The following PRPF39 variants were observed in gnomAD, a reference collection of about 807,000 sequenced individuals.
PRPF39 encodes the protein pre-mRNA processing factor 39.
PRPF39 carries 27 observed loss-of-function variants against 82.1 expected under a neutral mutation model. The observed-to-expected ratio is 0.33, with a 90% CI of 0.24 to 0.45. The LOEUF (loss-of-function observed/expected upper bound fraction) is 0.45. Ranked by LOEUF, PRPF39 falls within the 20% of genes least tolerant of loss-of-function variation. The probability of loss-of-function intolerance (pLI) is 1.00; values close to 1 mark genes in which losing one functional copy is unlikely to be tolerated. For synonymous variants in PRPF39, 261 were observed against 256.4 expected, an observed-to-expected ratio of 1.02 and a Z score of -0.17; for missense variants, 581 against 796.9, an observed-to-expected ratio of 0.73 and a Z score of 3.26.
rs1313263277 is a variant in PRPF39, at chr14:45,115,086, C to G, written c.*173C>G. 4.5e-6 allele frequency: 2 copies of G among 440,728 alleles called. No homozygotes were observed. Among genetic ancestry groups the G allele is most frequent in the African/African-American group, 4.0e-5 (2 of 49,794 alleles). 27.3% of individuals were successfully genotyped at this position (440,728 alleles called of 1,614,324 possible). A position where few individuals can be genotyped will look rare whatever the true frequency, so the allele number is the denominator to read the frequency against. On this transcript the variant is annotated 3_prime_UTR_variant, in exon 14 of 14. Coordinates refer to ENST00000355765, the MANE Select transcript of PRPF39 (RefSeq NM_017922.4). ...GAAAATGTCAATTAGTAGCTTACCA[C>G]AGATACTGTTTCCTACCATTTATAA... is the stretch of plus-strand genomic sequence containing the variant.
intron 1 of PRPF39, among the ~76,000 whole-genome samples, chr14:45,086,658 G>A (rs184135425): frequency 3.3e-3 from 506 of 152,282 alleles, no homozygotes; most frequent in Non-Finnish European, 4.5e-3. Context: ...ATATCATTCA[G>A]AGATATTTGT....
chr14:45,093,035 A>G (rs1222945891), intron 1 of PRPF39, among the ~76,000 whole-genome samples: 5 of 152,296 alleles, frequency 3.3e-5, no homozygotes, highest in East Asian at 3.9e-4. Context: ...TCTCTTTTGT[A>G]TGGAGAACAA....
chr14:45,090,443 C>A (rs1056459782), intron 1 of PRPF39, among the ~76,000 whole-genome samples: 2 of 152,158 alleles, frequency 1.3e-5, no homozygotes, highest in Non-Finnish European at 2.9e-5. Flanking sequence ...TTTGCTTTTA[C>A]CCTTCTACTT....
intron 1 of PRPF39, among the ~76,000 whole-genome samples, chr14:45,089,277 A>T (rs554736215): frequency 2.0e-5 from 3 of 152,174 alleles, no homozygotes; most frequent in African/African-American, 4.8e-5. Context: ...TTTTACATGT[A>T]GTATAAGACC....
At chr14:45,111,035 T>A (rs901200991) in intron 10 of PRPF39, 13 of 524,104 alleles carry the variant, frequency 2.5e-5, no homozygotes, top group African/African-American at 2.1e-4. Flanking sequence ...GGGTTAAAAT[T>A]GTTGTAGACA....
chr14:45,111,631 CTTTT>C (rs58863567), intron 10 of PRPF39, among the ~76,000 whole-genome samples: 6 of 58,800 alleles, frequency 1.0e-4, no homozygotes, highest in Non-Finnish European at 1.6e-4. Context: ...TGCACCTGGG[CTTTT>C]TTTTTTTTTT....
intron 10 of PRPF39, among the ~76,000 whole-genome samples, chr14:45,111,631 CTTTTTTTTTTTTT>C (rs58863567): frequency 3.4e-4 from 20 of 58,804 alleles, no homozygotes; most frequent in South Asian, 5.6e-4. Context: ...TGCACCTGGG[CTTTTTTTTTTTTT>C]TTTTTTTTTT....
chr14:45,089,270 T>C (rs1883942378), intron 1 of PRPF39, among the ~76,000 whole-genome samples: 1 of 152,230 alleles, frequency 6.6e-6, no homozygotes, highest in Non-Finnish European at 1.5e-5. Context: ...AGTTAATTTT[T>C]ACATGTAGTA....
At chr14:45,087,797 C>G (rs1841336567) in intron 1 of PRPF39, among the ~76,000 whole-genome samples, 1 of 144,200 alleles carries the variant, frequency 6.9e-6, no homozygotes, top group South Asian at 2.2e-4. Flanking sequence ...CCGTGTTAGA[C>G]AGGATGGTCT....
chr14:45,098,440 C>T (rs1232922723), intron 4 of PRPF39, among the ~76,000 whole-genome samples: 1 of 147,770 alleles, frequency 6.8e-6, no homozygotes, highest in East Asian at 2.0e-4. Flanking sequence ...GAGCAAGACC[C>T]TGTCTCAAAA....
chr14:45,095,903 T>G (rs1884185836), intron 2 of PRPF39, among the ~76,000 whole-genome samples, 200 bp from the exon 3 acceptor site: 1 of 151,426 alleles, frequency 6.6e-6, no homozygotes, highest in Admixed American at 6.6e-5. Context: ...TTTTTTTTTT[T>G]TTTTTTAAGT....
Position 45,115,233 on chromosome 14 carries a change from A to G in PRPF39, c.*320A>G, listed in dbSNP as rs1183187464. 5.6e-6 allele frequency: 1 copy of G among 177,178 alleles called. No individual in the cohort carries two copies. Among genetic ancestry groups the G allele is most frequent in the Non-Finnish European group, 1.2e-5 (1 of 83,926 alleles). 11.0% of individuals were successfully genotyped at this position (177,178 alleles called of 1,614,324 possible). Reference sequence around the variant, plus strand: ...GGGGTAGGAAGAAAAACCTGACTGCAAATCATGTCAGTGTAGTACAAAATT... The same window carrying G: ...GGGGTAGGAAGAAAAACCTGACTGCGAATCATGTCAGTGTAGTACAAAATT... On this transcript the variant is annotated 3_prime_UTR_variant, in exon 14 of 14. Transcript: ENST00000355765.
At position 45,107,443 on chromosome 14, in the gene PRPF39, TC is replaced by T; in HGVS notation, c.738-6del. Reference sequence around the variant, plus strand: ...TCAAATACATATATTTTTATTGTCTTCCTTTAGATTTAAAGAACATGTACAG... The same window carrying T: ...TCAAATACATATATTTTTATTGTCTTCTTTAGATTTAAAGAACATGTACAG... On this transcript the variant is annotated splice_polypyrimidine_tract_variant and splice_region_variant and intron_variant, in intron 5 of 13. Coordinates refer to ENST00000355765, the MANE Select transcript of PRPF39 (RefSeq NM_017922.4). 2.7e-6 allele frequency: 4 copies of T among 1,495,652 alleles called. No homozygotes were observed. The highest frequency in any genetic ancestry group is 3.6e-6 in the Non-Finnish European group (4 of 1,097,786). The allele number at this position is 1,495,652 out of a possible 1,614,324, so 92.6% of individuals were successfully genotyped here. A position where few individuals can be genotyped will look rare whatever the true frequency, so the allele number is the denominator to read the frequency against.
Position 45,095,491 on chromosome 14 carries a change from T to A in PRPF39, c.252T>A (p.Phe84Leu). 1 of 1,613,762 alleles carries A rather than the reference T, an allele frequency of 6.2e-7. No individual in the cohort carries two copies. The highest frequency in any genetic ancestry group is 8.5e-7 in the Non-Finnish European group (1 of 1,179,802). The stretch of plus-strand genomic sequence containing the variant: ...ATTTCCCTCCAGAATATGAAAAATT[T>A]TGGAAAACTGTAGAAAATAATCCTC... ...EANFPPEYEKFWKTVENNPQD... is the reference protein window; with the variant it reads ...EANFPPEYEKLWKTVENNPQD... The change falls in exon 2 of 14, where the codon TTT becomes TTA. Residue 84 changes from phenylalanine (F) to leucine (L), a missense_variant. Phe to Leu is a conservative substitution (Grantham distance 22). Coordinates refer to ENST00000355765, the MANE Select transcript of PRPF39 (RefSeq NM_017922.4).
rs567476580 is a variant in PRPF39, at chr14:45,094,147, A to G, written c.-19-1074A>G. ...TTAAGTAGTAGTATATTCTAAGTAT[A>G]TTTTAAGAGTAAATCAGTTTTATGG... On this transcript the variant is annotated intron_variant, in intron 1 of 13. Coordinates refer to ENST00000355765, the MANE Select transcript of PRPF39 (RefSeq NM_017922.4). Among the ~76,000 whole-genome samples the G allele has an allele frequency of 6.6e-5, 10 of 152,168 alleles. No individual in the cohort carries two copies. In the East Asian group the frequency reaches 1.3e-3, roughly 21 times the overall value.
chr14:45,104,777 G>A (rs1333099791), intron 5 of PRPF39, among the ~76,000 whole-genome samples: 1 of 152,146 alleles, frequency 6.6e-6, no homozygotes, highest in African/African-American at 2.4e-5. Context: ...AATCCCTGGT[G>A]GTTCCTGAGC....
At position 45,101,949 on chromosome 14, in the gene PRPF39, G is replaced by C. The variant is rs139667800; in HGVS notation, c.570-580G>C. On this transcript the variant is annotated intron_variant, in intron 4 of 13. Coordinates refer to ENST00000355765, the MANE Select transcript of PRPF39 (RefSeq NM_017922.4). ...AGCCTCCCAAGTAGCTGGGACTACA[G>C]GCATGTGCCACCATGCCTGGCTAAT... Among the ~76,000 whole-genome samples the C allele has an allele frequency of 3.3e-3, 499 of 152,040 alleles. 5 individuals carry two copies. Among genetic ancestry groups the C allele is most frequent in the African/African-American group, 0.011 (474 of 41,490 alleles).
intron 4 of PRPF39, among the ~76,000 whole-genome samples, chr14:45,098,565 C>T (rs530277915): frequency 1.8e-4 from 28 of 152,074 alleles, no homozygotes; most frequent in Admixed American, 1.6e-3. Flanking sequence ...TCATTTTTCC[C>T]GTTTGTCTAA....
At chr14:45,085,914 C>T (rs1883811433) in intron 1 of PRPF39, among the ~76,000 whole-genome samples, 3 of 151,320 alleles carry the variant, frequency 2.0e-5, no homozygotes, top group Middle Eastern at 3.5e-3. Context: ...TTAAGTACCT[C>T]TACAGGAATA....
Sources: allele counts gnomAD v4.1 joint callset (sites outside exome capture counted in the v4.1 genomes callset), GRCh38; gene constraint gnomAD v4.1.1; transcripts MANE v1.5; gene names NCBI Gene and HGNC (gene_info 2026-07-23, HGNC 2026-07-21).